Variants in TTYH3 observed in about 807,000 individuals in gnomAD.
The protein encoded by TTYH3 is protein tweety homolog 3.
TTYH3 carries 23 observed loss-of-function variants against 68.2 expected under a neutral mutation model. That is an observed-to-expected ratio of 0.34 (90% CI 0.24 to 0.48). The LOEUF is 0.48. TTYH3 is among the 20% of genes least tolerant of loss of function. The pLI, the probability that TTYH3 is intolerant of heterozygous loss-of-function variation, is 0.99. For missense variants in TTYH3, 768 were observed against 727.7 expected, an observed-to-expected ratio of 1.06 and a Z score of -0.64; for synonymous variants, 360 against 332.8, an observed-to-expected ratio of 1.08 and a Z score of -0.89.
chr7:2,643,524 G>A (rs1264178447), intron 1 of TTYH3, among the ~76,000 whole-genome samples: 1 of 152,352 alleles, frequency 6.6e-6, no homozygotes, highest in East Asian at 1.9e-4. Context: ...GGGCAAGGGT[G>A]CCTGGTGCTT....
At position 2,658,292 on chromosome 7, in the gene TTYH3, T is replaced by A; in HGVS notation, c.1257T>A (p.Pro419=). 6.3e-7 allele frequency: 1 copy of A among 1,576,428 alleles called. No homozygotes were observed. The highest frequency in any genetic ancestry group is 8.6e-7 in the Non-Finnish European group (1 of 1,159,636). The change falls in exon 12 of 14, where the codon CCT becomes CCA. Residue 419 remains proline, a synonymous_variant. Transcript: ENST00000258796. The stretch of plus-strand genomic sequence containing the variant: ...TGCGTGTCCCTCCTCACAGAGGCCC[T>A]GATGAGGACGGGGAGGAGGAGGCCG... ...VPHTWQQKRG[P]DEDGEEEAAP...
At chr7:2,648,136 A>G (rs1236421505) in intron 5 of TTYH3, 82 bp downstream of exon 5, 2 of 1,326,076 alleles carry the variant, frequency 1.5e-6, no homozygotes, top group Non-Finnish European at 2.1e-6. Context: ...CCCCCACCTC[A>G]TCTGCAGATC....
At chr7:2,651,029 G>C (rs1026330329) in intron 7 of TTYH3, among the ~76,000 whole-genome samples, 10 of 151,994 alleles carry the variant, frequency 6.6e-5, no homozygotes, top group African/African-American at 1.9e-4. Context: ...GTCTGGAGGT[G>C]GGGGGCAGGG....
chr7:2,661,376 G>A (rs972291670), intron 13 of TTYH3, among the ~76,000 whole-genome samples: 1 of 152,134 alleles, frequency 6.6e-6, no homozygotes, highest in Non-Finnish European at 1.5e-5. Flanking sequence ...CCGCTGGTGT[G>A]GGCATGGGAG....
chr7:2,646,008 G>A, intron 1 of TTYH3: 1 of 337,542 alleles, frequency 3.0e-6, no homozygotes, highest in South Asian at 2.2e-5. Context: ...TTCTTCGGGG[G>A]AGCAGCAGCA....
At chr7:2,649,133 G>A (rs1203806698) in intron 5 of TTYH3, among the ~76,000 whole-genome samples, 1 of 152,124 alleles carries the variant, frequency 6.6e-6, no homozygotes, top group African/African-American at 2.4e-5. Context: ...AGAGGCCAGT[G>A]CCGTAGCAAG....
intron 1 of TTYH3, among the ~76,000 whole-genome samples, chr7:2,642,267 C>G (rs559790020): frequency 9.1e-4 from 139 of 152,200 alleles, no homozygotes; most frequent in African/African-American, 3.3e-3. Flanking sequence ...AGAGGCCAAG[C>G]ACAGTGACTC....
intron 13 of TTYH3, 103 bp downstream of exon 13, chr7:2,659,118 CTCTGGGGGCAGCTGTGAGCTG>C: frequency 8.4e-7 from 1 of 1,195,918 alleles, no homozygotes; most frequent in Non-Finnish European, 1.2e-6. Context: ...CCAGTGTGAG[CTCTGGGGGCAGCTGTGAGCTG>C]CCACCACCGG....
intron 1 of TTYH3, among the ~76,000 whole-genome samples, chr7:2,633,728 G>A (rs1488956178): frequency 2.6e-5 from 4 of 152,204 alleles, no homozygotes; most frequent in Non-Finnish European, 4.4e-5. Context: ...CTGCCCTGAG[G>A]GTTTGGCCCA....
At chr7:2,660,932 C>G (rs1028891554) in intron 13 of TTYH3, among the ~76,000 whole-genome samples, 1 of 152,216 alleles carries the variant, frequency 6.6e-6, no homozygotes, top group Non-Finnish European at 1.5e-5. Context: ...CACGTGCACT[C>G]AAGACCTTCA....
chr7:2,655,009 T>G (rs554452961), intron 9 of TTYH3, among the ~76,000 whole-genome samples: 2 of 152,300 alleles, frequency 1.3e-5, no homozygotes, highest in East Asian at 3.9e-4. Flanking sequence ...TGGTTTACCT[T>G]CAACACCTCT....
chr7:2,650,038 T>C, intron 7 of TTYH3, 50 bp downstream of exon 7: 1 of 1,604,110 alleles, frequency 6.2e-7, no homozygotes. Context: ...AGGGTTGGGC[T>C]GAGCCAAAAG....
chr7:2,648,213 C>G (rs1242271736), intron 5 of TTYH3, 159 bp downstream of exon 5: 1 of 651,202 alleles, frequency 1.5e-6, no homozygotes, highest in African/African-American at 1.8e-5. Context: ...CTGAGATGCC[C>G]CTTCTGTGCC....
chr7:2,640,020 C>CT (rs1482199199), intron 1 of TTYH3, among the ~76,000 whole-genome samples: 1 of 152,060 alleles, frequency 6.6e-6, no homozygotes, highest in African/African-American at 2.4e-5. Flanking sequence ...CACCCGCCCC[C>CT]GCTGTGTGAC....
At chr7:2,647,117 C>CGTG in intron 2 of TTYH3, 25 bp from the exon 3 acceptor site, 1 of 1,575,576 alleles carries the variant, frequency 6.3e-7, no homozygotes, top group East Asian at 2.3e-5. Context: ...GGCGGGGCTA[C>CGTG]ATCTCACGGG....
At chr7:2,655,527 G>A (rs1243323538) in intron 9 of TTYH3, among the ~76,000 whole-genome samples, 1 of 152,242 alleles carries the variant, frequency 6.6e-6, no homozygotes, top group Non-Finnish European at 1.5e-5. Flanking sequence ...CTGCTCCTGT[G>A]GAGTCGCTGT....
At chr7:2,654,616 C>T (rs1312841873) in intron 9 of TTYH3, among the ~76,000 whole-genome samples, 1 of 152,150 alleles carries the variant, frequency 6.6e-6, no homozygotes, top group African/African-American at 2.4e-5. Context: ...AGCACAGCAG[C>T]CCAGATGGGG....
rs1246024107 is a variant in TTYH3, at chr7:2,648,905, T to C, written c.723-662T>C. Among the ~76,000 whole-genome samples, 205 of 46,300 alleles carry C rather than the reference T, an allele frequency of 4.4e-3. 1 individual carries two copies. Among genetic ancestry groups the C allele is most frequent in the African/African-American group, 0.017 (187 of 10,752 alleles). 30.4% of individuals were successfully genotyped at this position (46,300 alleles called of 152,430 possible). A position where few individuals can be genotyped will look rare whatever the true frequency, so the allele number is the denominator to read the frequency against. On this transcript the variant is annotated intron_variant, in intron 5 of 13. Coordinates refer to ENST00000258796, the MANE Select transcript of TTYH3 (RefSeq NM_025250.3). ...GGGTCCTCAGTGGGGTGTGCAGGCC[T>C]GCAGTGGGGTGTGGGGCCCGCAGTG... is the stretch of plus-strand genomic sequence containing the variant.
Position 2,656,429 on chromosome 7 carries a change from A to C in TTYH3, c.1145A>C (p.Tyr382Ser), listed in dbSNP as rs751431425. ...DYVQALTGFC[Y>S]DGVEGLIYLA... The stretch of plus-strand genomic sequence containing the variant: ...GTGCAAGCGCTGACCGGCTTCTGCT[A>C]TGACGGCGTGGAGGGCCTCATCTAC... Residue 382 changes from tyrosine to serine, a missense_variant, in exon 11 of 14, where the codon TAT (tyrosine) becomes TCT (serine). By Grantham distance (144) the Tyr-to-Ser change is moderately radical. Coordinates refer to ENST00000258796, the MANE Select transcript of TTYH3 (RefSeq NM_025250.3). 6.2e-7 allele frequency: 1 copy of C among 1,611,806 alleles called. No individual in the cohort carries two copies. Among genetic ancestry groups the C allele is most frequent in the African/African-American group, 1.3e-5 (1 of 75,020 alleles).
Sources: gnomAD v4.1 joint callset for allele counts (sites outside exome capture counted in the v4.1 genomes callset) on GRCh38, gnomAD v4.1.1 for gene constraint, MANE v1.5 for transcripts, NCBI Gene and HGNC (gene_info 2026-07-23, HGNC 2026-07-21) for gene names.